Variants in BTAF1 observed in about 807,000 individuals in gnomAD.
BTAF1 encodes B-TFIID TATA-box binding protein associated factor 1, also known as TATA-binding protein-associated factor 172.
BTAF1 carries 38 observed loss-of-function variants against 227.1 expected under a neutral mutation model. The ratio of observed to expected loss-of-function variants is 0.17; its 90% CI spans 0.13 to 0.22. BTAF1 has a LOEUF of 0.22. BTAF1 is among the 10% of genes least tolerant of loss of function. BTAF1 has a pLI of 1.00. For missense variants in BTAF1, 1,598 were observed against 2,204.0 expected, an observed-to-expected ratio of 0.73 and a Z score of 5.51; for synonymous variants, 742 against 751.9, an observed-to-expected ratio of 0.99 and a Z score of 0.21.
At chr10:92,010,618 A>G (rs1391691518) in intron 28 of BTAF1, among the ~76,000 whole-genome samples, 1 of 152,186 alleles carries the variant, frequency 6.6e-6, no homozygotes, top group Non-Finnish European at 1.5e-5. Context: ...TCTCTCATGA[A>G]TATATCAGTA....
At chr10:92,016,621 G>T (rs1188663420) in intron 33 of BTAF1, among the ~76,000 whole-genome samples, 156 bp downstream of exon 33, 1 of 151,974 alleles carries the variant, frequency 6.6e-6, no homozygotes, top group African/African-American at 2.4e-5. Context: ...GAGTAGAGGT[G>T]TGCGCCACCA....
rs116422242 is a variant in BTAF1, at chr10:91,959,774, T to C, written c.991-11T>C. The C allele has an allele frequency of 0.016, 18,372 of 1,123,438 alleles. 2,324 individuals carry two copies. The African/African-American group carries it at 0.26, about 16-fold the overall frequency. The allele number at this position is 1,123,438 out of a possible 1,614,324, so 69.6% of individuals were successfully genotyped here. ...TATATATATATATATATATATATTATATTTTAACAGATGATTCAGCAGCAT... is the reference window on the plus strand; with the variant it reads ...TATATATATATATATATATATATTACATTTTAACAGATGATTCAGCAGCAT... On this transcript the variant is annotated splice_polypyrimidine_tract_variant and intron_variant, in intron 9 of 37. Coordinates refer to ENST00000265990, the MANE Select transcript of BTAF1 (RefSeq NM_003972.3).
chr10:91,986,999 T>A (rs1482040797), intron 19 of BTAF1, among the ~76,000 whole-genome samples: 1 of 152,136 alleles, frequency 6.6e-6, no homozygotes, highest in Non-Finnish European at 1.5e-5. Flanking sequence ...CATGATTTAG[T>A]TCCTACCCAG....
chr10:91,966,547 C>T (rs1262416098), intron 13 of BTAF1, 90 bp from the exon 14 acceptor site: 3 of 1,349,616 alleles, frequency 2.2e-6, no homozygotes, highest in Non-Finnish European at 3.1e-6. Flanking sequence ...ATGGTGTCAG[C>T]ATCACTAGAT....
chr10:91,950,274 C>T (rs554395640), intron 4 of BTAF1, among the ~76,000 whole-genome samples: 47 of 151,210 alleles, frequency 3.1e-4, no homozygotes, highest in South Asian at 1.9e-3. Flanking sequence ...TGTAGCTTTT[C>T]GCTTTTGTAG....
chr10:91,996,625 A>T, intron 24 of BTAF1, 55 bp downstream of exon 24: 1 of 1,549,844 alleles, frequency 6.5e-7, no homozygotes. Flanking sequence ...TCACTTAAGG[A>T]TAATTAAAAT....
At chr10:91,971,838 A>AT (rs11299264) in intron 14 of BTAF1, among the ~76,000 whole-genome samples, 2,485 of 148,596 alleles carry the variant, frequency 0.017, 50 homozygotes, top group African/African-American at 0.058. Context: ...AAATTTTGGG[A>AT]TTTTTTTTTT....
intron 14 of BTAF1, among the ~76,000 whole-genome samples, chr10:91,967,681 G>A (rs1223593667): frequency 6.6e-6 from 1 of 152,144 alleles, no homozygotes; most frequent in Non-Finnish European, 1.5e-5. Flanking sequence ...CAACTGTCAG[G>A]TTTGTTTTAC....
Position 91,959,050 on chromosome 10 carries a change from CTTTG to C in BTAF1, c.901-12_901-9del, listed in dbSNP as rs1564673773. 6.2e-7 allele frequency: 1 copy of C among 1,609,568 alleles called. No homozygotes were observed. Among genetic ancestry groups the C allele is most frequent in the Admixed American group, 1.7e-5 (1 of 59,678 alleles). ...AACATTTAACATCTGACATTTGCTTCTTTGTTCTTTTCAGGTTCGACATGGTGCA... is the reference window on the plus strand; with the variant it reads ...AACATTTAACATCTGACATTTGCTTCTTCTTTTCAGGTTCGACATGGTGCA... On this transcript the variant is annotated splice_polypyrimidine_tract_variant and intron_variant, in intron 8 of 37. Coordinates refer to ENST00000265990, the MANE Select transcript of BTAF1 (RefSeq NM_003972.3).
chr10:91,929,657 CCT>C (rs1844137714), intron 1 of BTAF1, among the ~76,000 whole-genome samples: 1 of 152,172 alleles, frequency 6.6e-6, no homozygotes, highest in East Asian at 1.9e-4. Context: ...GAAAAAACTA[CCT>C]TAATTACCAA....
At chr10:92,005,190 G>T (rs1278329213) in intron 25 of BTAF1, among the ~76,000 whole-genome samples, 1 of 151,910 alleles carries the variant, frequency 6.6e-6, no homozygotes, top group Non-Finnish European at 1.5e-5. Flanking sequence ...TGTTCCTTTT[G>T]CTCAAGATTG....
At chr10:91,986,316 A>T (rs1848390513) in intron 19 of BTAF1, among the ~76,000 whole-genome samples, 1 of 152,180 alleles carries the variant, frequency 6.6e-6, no homozygotes, top group Admixed American at 6.5e-5. Context: ...GTCTTTCCTT[A>T]TGCCAGCATC....
In BTAF1 at chr10:91,953,770, T is replaced by G; in HGVS notation, c.598T>G (p.Phe200Val). 1 of 1,613,894 alleles carries G rather than the reference T, an allele frequency of 6.2e-7. No homozygotes were observed. Among genetic ancestry groups the G allele is most frequent in the Non-Finnish European group, 8.5e-7 (1 of 1,179,922 alleles). ...LQAAELIDSEFRAGMSNRQKN... is the reference protein window; with the variant it reads ...LQAAELIDSEVRAGMSNRQKN... ...GGCAGCTGAATTGATTGACTCAGAGTTTCGAGCAGGAATGAGCAATAGACA... is the reference window on the plus strand; with the variant it reads ...GGCAGCTGAATTGATTGACTCAGAGGTTCGAGCAGGAATGAGCAATAGACA... Residue 200 changes from phenylalanine (F) to valine (V), a missense_variant, in exon 6 of 38, where the codon TTT (phenylalanine) becomes GTT (valine). Around this residue, in one of 10 missense-constraint regions of BTAF1, gnomAD observed 298 missense variants for 395.2 expected, o/e 0.75. Coordinates refer to ENST00000265990, the MANE Select transcript of BTAF1 (RefSeq NM_003972.3).
chr10:91,972,336 A>G (rs201152771), intron 14 of BTAF1, among the ~76,000 whole-genome samples: 1 of 152,152 alleles, frequency 6.6e-6, no homozygotes, highest in Non-Finnish European at 1.5e-5. Context: ...TGACCAAAGT[A>G]TCTTTGGACA....
rs200341363 is a variant in BTAF1 at position 92,009,196 on chromosome 10, C to T, written c.4091C>T (p.Thr1364Ile). The change falls in exon 28 of 38, where the codon ACT becomes ATT. Residue 1364 changes from threonine (T) to isoleucine (I), a missense_variant. Transcript: ENST00000265990. ...LNPLHYTGPPTERIRLQHQVK... is the reference protein window; with the variant it reads ...LNPLHYTGPPIERIRLQHQVK... ...CCGTTGCATTACACTGGACCTCCCA[C>T]TGAAAGAATAAGGTAAGAGTTGTAT... The T allele has an allele frequency of 2.9e-5, 47 of 1,613,812 alleles. No individual in the cohort carries two copies. Among genetic ancestry groups the T allele is most frequent in the Non-Finnish European group, 3.7e-5 (44 of 1,179,864 alleles).
Position 92,028,992 on chromosome 10 carries a change from G to C in BTAF1, c.*59G>C. 1 of 1,473,724 alleles carries C rather than the reference G, an allele frequency of 6.8e-7. No homozygotes were observed. The highest frequency in any genetic ancestry group is 9.1e-7 in the Non-Finnish European group (1 of 1,097,308). The allele number at this position is 1,473,724 out of a possible 1,614,324, so 91.3% of individuals were successfully genotyped here. On this transcript the variant is annotated 3_prime_UTR_variant, in exon 38 of 38. Coordinates refer to ENST00000265990, the MANE Select transcript of BTAF1 (RefSeq NM_003972.3). ...TCAGTTACATTTCTGCTGATATTCAGCAAATTTCTAAGTTTATGGTGAACT... is the reference window on the plus strand; with the variant it reads ...TCAGTTACATTTCTGCTGATATTCACCAAATTTCTAAGTTTATGGTGAACT...
chr10:91,969,129 A>AT (rs775647165), intron 14 of BTAF1, among the ~76,000 whole-genome samples: 1 of 132,474 alleles, frequency 7.5e-6, no homozygotes, highest in Non-Finnish European at 1.6e-5. Context: ...TTGTTTTCTT[A>AT]TTGTTGAATT....
At chr10:92,010,156 T>A (rs1850199302) in intron 28 of BTAF1, among the ~76,000 whole-genome samples, 1 of 152,142 alleles carries the variant, frequency 6.6e-6, no homozygotes, top group Admixed American at 6.6e-5. Context: ...GAGGTAGGAA[T>A]ACTGTTGTTC....
intron 36 of BTAF1, 145 bp downstream of exon 36, chr10:92,026,896 G>T (rs1851553523): frequency 1.0e-6 from 1 of 992,342 alleles, no homozygotes; most frequent in Non-Finnish European, 1.4e-6. Flanking sequence ...CTCTTCTGTG[G>T]TATCACTTCC....
Sources: allele counts gnomAD v4.1 joint callset (sites outside exome capture counted in the v4.1 genomes callset), GRCh38; gene constraint gnomAD v4.1.1; regional missense constraint gnomAD v4.1.1; transcripts MANE v1.5; gene names NCBI Gene and HGNC (gene_info 2026-07-23, HGNC 2026-07-21).